Variants in NTRK3 observed in about 807,000 individuals in gnomAD.
NTRK3 encodes neurotrophic receptor tyrosine kinase 3.
Under a neutral mutation model 91.7 loss-of-function variants are expected in NTRK3, and 24 were observed. The observed-to-expected ratio is 0.26, with a 90% CI of 0.19 to 0.37. The LOEUF is 0.37. Among genes scored for constraint, NTRK3 ranks in the 10% least tolerant of loss-of-function variants. The pLI is 1.00. For synonymous variants in NTRK3, 483 were observed against 404.0 expected (o/e 1.20, Z -2.34); for missense variants, 880 against 1,068.9 (o/e 0.82, Z 2.46).
chr15:88,088,535 A>G (rs1216621545), intron 13 of NTRK3, among the ~76,000 whole-genome samples: 1 of 152,210 alleles, frequency 6.6e-6, no homozygotes, highest in African/African-American at 2.4e-5. Flanking sequence ...AACATGTTGT[A>G]ACAGTAATGT....
rs58367924 is a variant in NTRK3, at chr15:87,912,931, AATATATATATATAT to A, written c.2133+16246_2133+16259del. ...TTCAACTTTTCAAAAAGTAAAAAAA[AATATATATATATAT>A]ATATATATATATATATATATATATA... is the stretch of plus-strand genomic sequence containing the variant. On this transcript the variant is annotated intron_variant, in intron 17 of 18. Transcript: ENST00000394480. 1.5e-3 allele frequency among the ~76,000 whole-genome samples: 56 copies of A among 36,498 alleles called. 2 individuals carry two copies. The highest frequency in any genetic ancestry group is 6.4e-3 in the East Asian group (8 of 1,258). The allele number at this position is 36,498 out of a possible 152,430, so 23.9% of individuals were successfully genotyped here. A position where few individuals can be genotyped will look rare whatever the true frequency, so the allele number is the denominator to read the frequency against.
At chr15:88,089,266 C>T (rs566596858) in intron 13 of NTRK3, among the ~76,000 whole-genome samples, 1 of 152,190 alleles carries the variant, frequency 6.6e-6, no homozygotes, top group Non-Finnish European at 1.5e-5. Flanking sequence ...TAAGCCTCGG[C>T]TCAGTTATCT....
At chr15:88,141,303 T>C (rs1487312737) in intron 6 of NTRK3, among the ~76,000 whole-genome samples, 1 of 152,216 alleles carries the variant, frequency 6.6e-6, no homozygotes. Context: ...GCATCGCACT[T>C]GCCGTAGTGC....
chr15:87,932,320 T>A (rs1190910632), intron 16 of NTRK3, among the ~76,000 whole-genome samples: 1 of 152,230 alleles, frequency 6.6e-6, no homozygotes, highest in Non-Finnish European at 1.5e-5. Context: ...TGTGCTTCCC[T>A]GTATGGTAAA....
chr15:88,044,549 C>T (rs983886049), intron 13 of NTRK3, among the ~76,000 whole-genome samples: 3 of 151,518 alleles, frequency 2.0e-5, no homozygotes, highest in Non-Finnish European at 4.4e-5. Flanking sequence ...GAGTGAGCCA[C>T]CACGCCTGGC....
At chr15:88,213,788 G>A (rs542238714) in intron 3 of NTRK3, among the ~76,000 whole-genome samples, 1 of 152,254 alleles carries the variant, frequency 6.6e-6, no homozygotes, top group East Asian at 1.9e-4. Context: ...AGTAAGATTT[G>A]AAACGAGGCG....
Position 88,047,752 on chromosome 15 carries a change from G to A in NTRK3, c.1397-14707C>T, listed in dbSNP as rs117992991. On this transcript the variant is annotated intron_variant, in intron 13 of 18. Coordinates refer to ENST00000394480, the Ensembl canonical transcript of NTRK3. ...GCGACCACACATCCTGATCTGCCCT[G>A]GACAGTCTGTTTATCTGTTGTTCCA... Among the ~76,000 whole-genome samples, 102 of 152,260 alleles carry A rather than the reference G, an allele frequency of 6.7e-4. 1 individual carries two copies. In the East Asian group the frequency reaches 0.018, roughly 27 times the overall value.
At position 88,240,731 on chromosome 15, in the gene NTRK3, G is replaced by A. The variant is rs2052267141; in HGVS notation, c.248+15175C>T. Among the ~76,000 whole-genome samples the A allele has an allele frequency of 6.6e-6, 1 of 152,228 alleles. No homozygotes were observed. The highest frequency in any genetic ancestry group is 6.5e-5 in the Admixed American group (1 of 15,288). ...ATCGTGGGACCTGCCATGTCACTGT[G>A]CTGAGAATGGAAGCGGGTTAAAATA... On this transcript the variant is annotated intron_variant, in intron 3 of 18. Transcript: ENST00000394480. This position sits in a 1 kb window ranked among gnomAD's most constrained non-coding sequence, Gnocchi z 4.9.
chr15:88,108,476 A>G (rs2050956069), intron 13 of NTRK3, among the ~76,000 whole-genome samples: 3 of 152,066 alleles, frequency 2.0e-5, no homozygotes, highest in Non-Finnish European at 4.4e-5. Context: ...CCCACCTCCC[A>G]CTAGTTCCCA....
At chr15:88,163,624 G>A (rs2151450637) in intron 5 of NTRK3, among the ~76,000 whole-genome samples, 1 of 152,330 alleles carries the variant, frequency 6.6e-6, no homozygotes, top group Admixed American at 6.5e-5. Flanking sequence ...CAGAGTAGGT[G>A]CTTAGTAGAT....
chr15:87,952,105 C>A (rs2141119702), intron 14 of NTRK3, among the ~76,000 whole-genome samples: 1 of 144,974 alleles, frequency 6.9e-6, no homozygotes, highest in African/African-American at 2.6e-5. Flanking sequence ...CCAGGCTGGG[C>A]AACAGAGCAA....
In NTRK3 at chr15:87,959,605, C is replaced by T. The variant is rs149677073; in HGVS notation, c.1586-18852G>A. 1.1e-4 allele frequency among the ~76,000 whole-genome samples: 16 copies of T among 152,308 alleles called. No individual in the cohort carries two copies. In the East Asian group the frequency reaches 2.7e-3, roughly 26 times the overall value. On this transcript the variant is annotated intron_variant, in intron 14 of 18. Coordinates refer to ENST00000394480, the Ensembl canonical transcript of NTRK3. ...TAGATTCTACCAGCAAATACCTAAA[C>T]GTTTAAAGTTATTGAAAATCAGAAG... is the stretch of plus-strand genomic sequence containing the variant.
intron 17 of NTRK3, among the ~76,000 whole-genome samples, chr15:87,918,322 C>A (rs2067607192): frequency 6.6e-6 from 1 of 152,214 alleles, no homozygotes; most frequent in African/African-American, 2.4e-5. Flanking sequence ...CATTGACTAC[C>A]TAAGCCAAAA....
At chr15:88,170,693 C>T (rs891031928) in intron 5 of NTRK3, among the ~76,000 whole-genome samples, 1 of 152,188 alleles carries the variant, frequency 6.6e-6, no homozygotes, top group Non-Finnish European at 1.5e-5. Context: ...CAGACCGCCA[C>T]ACCCTCAGGA....
intron 13 of NTRK3, among the ~76,000 whole-genome samples, chr15:88,120,459 A>T (rs1054806290): frequency 6.6e-6 from 1 of 152,220 alleles, no homozygotes; most frequent in Non-Finnish European, 1.5e-5. Flanking sequence ...TTAGGAAGAA[A>T]GGCAAGTGGT....
intron 3 of NTRK3, among the ~76,000 whole-genome samples, chr15:88,254,970 C>G (rs915719901): frequency 2.0e-5 from 3 of 152,156 alleles, no homozygotes; most frequent in Admixed American, 6.5e-5. Context: ...CTCTCCTTTG[C>G]GTCTGCTGCC....
At chr15:88,032,686 C>A (rs2078658056) in intron 14 of NTRK3, among the ~76,000 whole-genome samples, 171 bp downstream of exon 14, 1 of 152,068 alleles carries the variant, frequency 6.6e-6, no homozygotes, top group Admixed American at 6.5e-5. Context: ...CCCGGGGACT[C>A]CTGGCTCAGG....
At chr15:87,972,121 C>T (rs1001812250) in intron 14 of NTRK3, among the ~76,000 whole-genome samples, 1 of 152,124 alleles carries the variant, frequency 6.6e-6, no homozygotes, top group Non-Finnish European at 1.5e-5. Flanking sequence ...AACTTGAGGG[C>T]AAGGGAGGGG....
intron 13 of NTRK3, among the ~76,000 whole-genome samples, chr15:88,115,269 C>T (rs921434978): frequency 3.3e-5 from 5 of 152,200 alleles, no homozygotes; most frequent in African/African-American, 9.7e-5. Context: ...GGTTGGCATG[C>T]CCCTTGCAAA....
Sources: allele counts gnomAD v4.1 joint callset (sites outside exome capture counted in the v4.1 genomes callset), GRCh38; gene constraint gnomAD v4.1.1; non-coding constraint Gnocchi (gnomAD v3.1); transcripts MANE v1.5; gene names NCBI Gene and HGNC (gene_info 2026-07-23, HGNC 2026-07-21).